The following FAM228B variants were observed in gnomAD, a reference collection of about 807,000 sequenced individuals.
The protein encoded by FAM228B is protein FAM228B.
Under a neutral mutation model 42.6 loss-of-function variants are expected in FAM228B, and 38 were observed. That is an observed-to-expected ratio of 0.89 (90% CI 0.69 to 1.17). The LOEUF (loss-of-function observed/expected upper bound fraction) is 1.17. FAM228B is among the 50% of genes most tolerant of loss of function. The probability of loss-of-function intolerance (pLI) is 0.00; values close to 1 mark genes in which losing one functional copy is unlikely to be tolerated. For missense variants in FAM228B, 344 were observed against 367.3 expected, an observed-to-expected ratio of 0.94 and a Z score of 0.52; for synonymous variants, 109 against 122.3, an observed-to-expected ratio of 0.89 and a Z score of 0.72.
At chr2:24,143,445 T>C (rs754871168) in intron 5 of FAM228B, among the ~76,000 whole-genome samples, 5 of 152,188 alleles carry the variant, frequency 3.3e-5, no homozygotes, top group South Asian at 2.1e-4. Flanking sequence ...CCGCCCGCCT[T>C]GGCCTCCCAA....
intron 2 of FAM228B, chr2:24,082,840 G>A (rs1665064554): frequency 6.5e-7 from 1 of 1,544,836 alleles, no homozygotes; most frequent in African/African-American, 1.4e-5. Flanking sequence ...GATTTATGAA[G>A]GTGTTGAGCC....
At position 24,131,070 on chromosome 2, in the gene FAM228B, C is replaced by A. The variant is rs1214680050; in HGVS notation, c.100-4049C>A. Among the ~76,000 whole-genome samples the A allele has an allele frequency of 2.0e-5, 3 of 151,962 alleles. No individual in the cohort carries two copies. The East Asian group carries it at 5.8e-4, about 29-fold the overall frequency. On this transcript the variant is annotated intron_variant, in intron 2 of 10. Coordinates refer to ENST00000615575, the MANE Select transcript of FAM228B (RefSeq NM_001145710.2). ...AGGGAATGCTTTTATTAAAGGAATT[C>A]TTTATTAAAGGGGAATCTTTTCCCC...
intron 3 of FAM228B, among the ~76,000 whole-genome samples, chr2:24,135,887 G>A (rs575311179): frequency 2.3e-3 from 350 of 151,260 alleles, no homozygotes; most frequent in African/African-American, 8.3e-3. Flanking sequence ...CATCTTTGCA[G>A]GCTACTTGCC....
intron 3 of FAM228B, among the ~76,000 whole-genome samples, chr2:24,103,967 G>A (rs1558371713): frequency 6.6e-6 from 1 of 152,194 alleles, no homozygotes; most frequent in Non-Finnish European, 1.5e-5. Context: ...GGGTGGGGCC[G>A]AGATAGTGGA....
upstream of FAM228B, among the ~76,000 whole-genome samples, chr2:24,122,032 A>G (rs1457872794): frequency 6.6e-6 from 1 of 152,226 alleles, no homozygotes; most frequent in Non-Finnish European, 1.5e-5. Flanking sequence ...GAAAAAGTTC[A>G]TTTAAAAGTC....
Position 24,077,581 on chromosome 2 carries a change from A to C in FAM228B, c.-290+612A>C. On this transcript the variant is annotated intron_variant, in intron 1 of 10. Transcript: ENST00000613899. The surrounding 1 kb of genome is among the most constrained non-coding windows in gnomAD (Gnocchi z 5.5). ...GTCCTGTCCTGCCCCATCCTCCTTC[A>C]CTGGGGCAGTTCCAGGACGATCTTG... 8 of 1,613,036 alleles carry C rather than the reference A, an allele frequency of 5.0e-6. No homozygotes were observed. The highest frequency in any genetic ancestry group is 6.8e-6 in the Non-Finnish European group (8 of 1,179,476).
chr2:24,125,854 C>A (rs1336576281), intron 2 of FAM228B, among the ~76,000 whole-genome samples: 2 of 152,160 alleles, frequency 1.3e-5, no homozygotes, highest in African/African-American at 4.8e-5. Flanking sequence ...TGAGCCACTG[C>A]GCCCAGCCTG....
chr2:24,077,657 C>T lies in FAM228B; in HGVS notation c.-290+688C>T, dbSNP rs775944138. 1 of 1,613,930 alleles carries T rather than the reference C, an allele frequency of 6.2e-7. No homozygotes were observed. The highest frequency in any genetic ancestry group is 8.5e-7 in the Non-Finnish European group (1 of 1,179,908). The stretch of plus-strand genomic sequence containing the variant: ...ACTTATGGGCCTCCTGGATTTCGGT[C>T]ACTGGGTAGATTCTGTCCAGAACCG... On this transcript the variant is annotated intron_variant, in intron 1 of 10. Transcript: ENST00000613899. The surrounding 1 kb of genome is among the most constrained non-coding windows in gnomAD (Gnocchi z 5.5).
At chr2:24,114,738 G>A (rs950847169) in intron 3 of FAM228B, among the ~76,000 whole-genome samples, 2 of 152,154 alleles carry the variant, frequency 1.3e-5, no homozygotes, top group African/African-American at 4.8e-5. Context: ...TTTAGCAATA[G>A]TCAGTGTAGA....
At chr2:24,120,277 AAAC>A (rs1553329186), upstream of FAM228B, among the ~76,000 whole-genome samples, 7 of 151,496 alleles carry the variant, frequency 4.6e-5, no homozygotes, top group African/African-American at 1.7e-4. Flanking sequence ...TCAAAAAAAA[AAAC>A]AACAACAAAA....
Position 24,083,221 on chromosome 2 carries a change from C to G in FAM228B, c.-210+2266C>G, listed in dbSNP as rs1054565039. 29 of 1,476,260 alleles carry G rather than the reference C, an allele frequency of 2.0e-5. No homozygotes were observed. The African/African-American group carries it at 3.8e-4, about 20-fold the overall frequency. The allele number at this position is 1,476,260 out of a possible 1,614,324, so 91.4% of individuals were successfully genotyped here. A position where few individuals can be genotyped will look rare whatever the true frequency, so the allele number is the denominator to read the frequency against. Reference sequence around the variant, plus strand: ...TCTGTATGTCACTACCCCTGGCCCCCCTTCCAAGATCCCCTCTTTTTTTTT... The same window carrying G: ...TCTGTATGTCACTACCCCTGGCCCCGCTTCCAAGATCCCCTCTTTTTTTTT... On this transcript the variant is annotated intron_variant, in intron 2 of 10. Transcript: ENST00000613899.
chr2:24,080,933 G>A lies in FAM228B; in HGVS notation c.-232G>A. ...TTCTTCTGGGAGCCAGCTGTGACCA[G>A]AGGAATAGCTCCAGCCATCCGGGTG... On this transcript the variant is annotated 5_prime_UTR_variant, in exon 2 of 11. Transcript: ENST00000613899. The surrounding 1 kb of genome is among the most constrained non-coding windows in gnomAD (Gnocchi z 4.7). The A allele has an allele frequency of 6.2e-7, 1 of 1,614,214 alleles. No homozygotes were observed. The highest frequency in any genetic ancestry group is 8.5e-7 in the Non-Finnish European group (1 of 1,180,046).
In FAM228B at chr2:24,080,950, A is replaced by T. The variant is rs1280453337; in HGVS notation, c.-215A>T. On this transcript the variant is annotated 5_prime_UTR_variant, in exon 2 of 11. Transcript: ENST00000613899. The surrounding 1 kb of genome is among the most constrained non-coding windows in gnomAD (Gnocchi z 4.7). ...TGTGACCAGAGGAATAGCTCCAGCC[A>T]TCCGGGTGAGTTGGATAGCAGCTGT... is the stretch of plus-strand genomic sequence containing the variant. The T allele has an allele frequency of 6.2e-7, 1 of 1,614,216 alleles. No individual in the cohort carries two copies. Among genetic ancestry groups the T allele is most frequent in the Non-Finnish European group, 8.5e-7 (1 of 1,180,048 alleles).
intron 1 of FAM228B, chr2:24,079,686 A>G (rs1204740014): frequency 1.7e-5 from 26 of 1,566,084 alleles, no homozygotes; most frequent in Non-Finnish European, 2.3e-5. Flanking sequence ...TTGGTGCTAA[A>G]TAAGATACCA....
intron 2 of FAM228B, among the ~76,000 whole-genome samples, chr2:24,090,044 C>T (rs1489274639): frequency 3.4e-5 from 5 of 145,482 alleles, no homozygotes; most frequent in Admixed American, 6.9e-5. Context: ...GAGGCCAAGG[C>T]GGGCGGATCA....
At chr2:24,132,699 A>G (rs10190080) in intron 2 of FAM228B, among the ~76,000 whole-genome samples, 17,601 of 151,466 alleles carry the variant, frequency 0.12, 1,229 homozygotes, top group South Asian at 0.18. Context: ...CTGTTTCTTT[A>G]TATATCTAGT....
At chr2:24,079,480 A>T (rs373761983) in intron 1 of FAM228B, 5 of 1,614,120 alleles carry the variant, frequency 3.1e-6, no homozygotes, top group Non-Finnish European at 4.2e-6. Flanking sequence ...TGGTGATCAG[A>T]CTTCCTCGCT....
intron 3 of FAM228B, chr2:24,096,624 T>C (rs1665503276): frequency 1.3e-5 from 2 of 152,170 alleles, no homozygotes; most frequent in Admixed American, 6.5e-5. Flanking sequence ...CCAAGACAAA[T>C]GGGACTATGT....
intron 1 of FAM228B, chr2:24,124,128 C>G (rs1176524810): frequency 2.7e-6 from 1 of 377,276 alleles, no homozygotes; most frequent in East Asian, 4.3e-5. Context: ...GGGATTCTTT[C>G]AAAGAGCATC....
Sources: allele counts gnomAD v4.1 joint callset (sites outside exome capture counted in the v4.1 genomes callset), GRCh38; gene constraint gnomAD v4.1.1; non-coding constraint Gnocchi (gnomAD v3.1); transcripts MANE v1.5; gene names NCBI Gene and HGNC (gene_info 2026-07-23, HGNC 2026-07-21).